LRRC71: variants seen among roughly 807,000 people sequenced by gnomAD.
LRRC71 encodes leucine-rich repeat-containing protein 71.
A neutral mutation model predicts 66.6 loss-of-function variants in LRRC71; 54 were observed. That is an observed-to-expected ratio of 0.81 (90% CI 0.65 to 1.02). LRRC71 has a LOEUF of 1.02. Among genes scored for constraint, LRRC71 ranks in the 50% least tolerant of loss-of-function variants. LRRC71 has a pLI of 0.00. For synonymous variants in LRRC71, 323 were observed against 303.9 expected, an observed-to-expected ratio of 1.06 and a Z score of -0.65; for missense variants, 724 against 718.0, an observed-to-expected ratio of 1.01 and a Z score of -0.10.
downstream of LRRC71, chr1:156,937,032 G>A (rs755283186): frequency 6.8e-6 from 11 of 1,606,724 alleles, no homozygotes; most frequent in Non-Finnish European, 9.4e-6. Flanking sequence ...GGGAATGTCT[G>A]CTCGAGTCCT....
At position 156,929,717 on chromosome 1, in the gene LRRC71, G is replaced by C; in HGVS notation, c.1228G>C (p.Ala410Pro). 2 of 1,566,286 alleles carry C rather than the reference G, an allele frequency of 1.3e-6. No individual in the cohort carries two copies. The highest frequency in any genetic ancestry group is 1.2e-5 in the South Asian group (1 of 84,766). The change falls in exon 11 of 15, where the codon GCA becomes CCA. Residue 410 changes from alanine (A) to proline (P), a missense_variant. Transcript: ENST00000337428. Reference protein sequence around the residue: ...GTPKKEDATKAGKGKVTIPEQ... With the variant: ...GTPKKEDATKPGKGKVTIPEQ... ...CCCTAAGAAGGAAGATGCCACAAAG[G>C]CAGGCAAGGGGAGTAAGTGCGGGTG...
At chr1:156,924,854 C>T (rs1571035354) in intron 4 of LRRC71, 84 bp from the exon 5 acceptor site, 1 of 1,516,470 alleles carries the variant, frequency 6.6e-7, no homozygotes, top group East Asian at 2.5e-5. Context: ...AGGAAGGGCA[C>T]CGCTGGGAGA....
chr1:156,929,777 A>G, intron 11 of LRRC71, 48 bp downstream of exon 11: 1 of 1,495,706 alleles, frequency 6.7e-7, no homozygotes, highest in Non-Finnish European at 9.1e-7. Context: ...GGAGGAGGGA[A>G]GAGTGCCGGG....
At chr1:156,936,897 C>A (rs1187455714), downstream of LRRC71, 1 of 1,614,002 alleles carries the variant, frequency 6.2e-7, no homozygotes, top group Non-Finnish European at 8.5e-7. Context: ...GAGAGGGAGC[C>A]ATCTGTCCAT....
intron 11 of LRRC71, 99 bp from the exon 12 acceptor site, chr1:156,930,430 G>A (rs570579785): frequency 1.9e-6 from 2 of 1,046,856 alleles, no homozygotes; most frequent in Admixed American, 4.5e-5. Flanking sequence ...ACCCAAAGTT[G>A]GGGGGTCTCT....
intron 9 of LRRC71, 143 bp downstream of exon 9, chr1:156,928,147 C>G: frequency 1.2e-6 from 1 of 849,996 alleles, no homozygotes; most frequent in Non-Finnish European, 1.8e-6. Context: ...CCGATTTCTG[C>G]ACAGACTTTT....
chr1:156,938,701 C>T, the LRRC71 span: 3 of 517,546 alleles, frequency 5.8e-6, no homozygotes, highest in Non-Finnish European at 1.0e-5. Flanking sequence ...CACCAATTCA[C>T]CGAGAGACAG....
At chr1:156,928,563 CTTTTTTTT>C (rs58180096) in intron 9 of LRRC71, among the ~76,000 whole-genome samples, 43 of 80,242 alleles carry the variant, frequency 5.4e-4, no homozygotes, top group Non-Finnish European at 4.3e-4. Context: ...CTTCTTCTTA[CTTTTTTTT>C]TTTTTTTTTT....
downstream of LRRC71, among the ~76,000 whole-genome samples, chr1:156,934,176 C>A (rs1654708432): frequency 6.6e-6 from 1 of 152,212 alleles, no homozygotes; most frequent in Non-Finnish European, 1.5e-5. Flanking sequence ...TTTATCCCAC[C>A]CTTCATCACT....
the LRRC71 span, among the ~76,000 whole-genome samples, chr1:156,940,622 G>A: frequency 6.6e-6 from 1 of 152,190 alleles, no homozygotes; most frequent in Non-Finnish European, 1.5e-5. Context: ...CCCTGCCTAT[G>A]TTGAGCTTAC....
chr1:156,936,946 G>A (rs1445459756), downstream of LRRC71: 3 of 1,614,106 alleles, frequency 1.9e-6, no homozygotes, highest in Admixed American at 5.0e-5. Context: ...CAGGCGTGGT[G>A]CCACCAGATG....
At chr1:156,934,625 G>A (rs979139465), downstream of LRRC71, among the ~76,000 whole-genome samples, 12 of 151,794 alleles carry the variant, frequency 7.9e-5, no homozygotes, top group South Asian at 2.1e-4. Context: ...TCAGTGTCTT[G>A]TCATGTTTTC....
rs1047352313 is a variant in LRRC71 at position 156,929,674 on chromosome 1, G to C, written c.1185G>C (p.Gln395His). 1.3e-6 allele frequency: 2 copies of C among 1,586,866 alleles called. No homozygotes were observed. The stretch of plus-strand genomic sequence containing the variant: ...AAGAGGAGAAGTTGGGGTCTGGGCA[G>C]TCACCCACACAAGGAACCCCTAAGA... ...AKKEEKLGSG[Q>H]SPTQGTPKKE... is the part of the protein sequence containing the mutation. The change falls in exon 11 of 15, where the codon CAG becomes CAC. Residue 395 changes from glutamine (Q) to histidine (H), a missense_variant. Transcript: ENST00000337428.
chr1:156,928,071 C>T, intron 9 of LRRC71, 67 bp downstream of exon 9: 7 of 1,447,826 alleles, frequency 4.8e-6, no homozygotes, highest in Non-Finnish European at 6.6e-6. Context: ...CTCCCCAAGT[C>T]CGCTGCTTTT....
intron 9 of LRRC71, among the ~76,000 whole-genome samples, chr1:156,929,019 A>T (rs58159668): frequency 0.014 from 2,122 of 152,002 alleles, 51 homozygotes; most frequent in African/African-American, 0.049. Flanking sequence ...AAAAGCTGTT[A>T]TTTTTTCCCC....
At chr1:156,931,058 C>G (rs547456010) in intron 12 of LRRC71, among the ~76,000 whole-genome samples, 1 of 152,156 alleles carries the variant, frequency 6.6e-6, no homozygotes, top group South Asian at 2.1e-4. Context: ...TGGCACTGCC[C>G]CACGCTACCC....
At chr1:156,940,436 T>C in the LRRC71 span, 7 of 1,590,714 alleles carry the variant, frequency 4.4e-6, no homozygotes, top group South Asian at 1.1e-5. Flanking sequence ...CTGTTTCGGA[T>C]GAGAGAAGAT....
downstream of LRRC71, chr1:156,935,817 T>C: frequency 6.2e-6 from 4 of 646,860 alleles, no homozygotes; most frequent in Non-Finnish European, 7.9e-6. Context: ...CACTGAAACC[T>C]GACTCCGACT....
At chr1:156,927,336 C>G (rs1256962328) in intron 6 of LRRC71, 66 bp downstream of exon 6, 2 of 1,574,138 alleles carry the variant, frequency 1.3e-6, no homozygotes. Flanking sequence ...ATTTTTAGTC[C>G]CCGCCCTTCC....
Sources: allele counts gnomAD v4.1 joint callset (sites outside exome capture counted in the v4.1 genomes callset), GRCh38; gene constraint gnomAD v4.1.1; transcripts MANE v1.5; gene names NCBI Gene and HGNC (gene_info 2026-07-23, HGNC 2026-07-21).